Variants in GC observed in about 807,000 individuals in gnomAD.
GC encodes the protein vitamin D-binding protein.
In GC, 43 loss-of-function variants were observed where a neutral mutation model predicts 56.7. The observed-to-expected ratio is 0.76, with a 90% CI of 0.59 to 0.98. The LOEUF (loss-of-function observed/expected upper bound fraction) is 0.98. Among genes scored for constraint, GC ranks in the 50% least tolerant of loss-of-function variants. The pLI, the probability that GC is intolerant of heterozygous loss-of-function variation, is 0.00. For synonymous variants in GC, 216 were observed against 202.7 expected (o/e 1.07, Z -0.56); for missense variants, 529 against 545.9 (o/e 0.97, Z 0.31).
chr4:71,785,178 G>A (rs1742803933), upstream of GC, among the ~76,000 whole-genome samples: 1 of 151,724 alleles, frequency 6.6e-6, no homozygotes. Context: ...TTGCTATGAG[G>A]TTAATTAAGG....
chr4:71,796,645 C>T (rs1039457483), intron 1 of GC, among the ~76,000 whole-genome samples: 1 of 152,102 alleles, frequency 6.6e-6, no homozygotes, highest in Non-Finnish European at 1.5e-5. Flanking sequence ...TTATTACTGA[C>T]CTTCTGAAGC....
chr4:71,759,938 C>T (rs1220881753), intron 6 of GC, among the ~76,000 whole-genome samples: 4 of 151,740 alleles, frequency 2.6e-5, no homozygotes, highest in African/African-American at 9.7e-5. Flanking sequence ...TTCTGCCTGT[C>T]AAACTACTAT....
intron 10 of GC, among the ~76,000 whole-genome samples, chr4:71,753,469 G>A (rs1479874638): frequency 7.0e-6 from 1 of 143,014 alleles, no homozygotes; most frequent in African/African-American, 2.7e-5. Context: ...GAGGCAAGAA[G>A]AGACTCAAAG....
chr4:71,804,476 G>A (rs897529515), upstream of GC, among the ~76,000 whole-genome samples: 1 of 152,130 alleles, frequency 6.6e-6, no homozygotes, highest in Non-Finnish European at 1.5e-5. Context: ...GAGCATTGCA[G>A]CCTTTATGTT....
At chr4:71,784,487 A>G (rs1345180933), upstream of GC, 1 of 162,428 alleles carries the variant, frequency 6.2e-6, no homozygotes, top group East Asian at 1.9e-4. Context: ...CTTTGTTTAA[A>G]TCTACTACAA....
intron 8 of GC, among the ~76,000 whole-genome samples, chr4:71,755,734 A>G (rs1179833956): frequency 6.6e-6 from 1 of 152,220 alleles, no homozygotes; most frequent in African/African-American, 2.4e-5. Flanking sequence ...GCATAATGCA[A>G]TTGACTCTGT....
In GC at chr4:71,741,709, T is replaced by C; in HGVS notation, c.*187A>G. The C allele has an allele frequency of 1.5e-6, 1 of 663,106 alleles. No individual in the cohort carries two copies. The allele number at this position is 663,106 out of a possible 1,614,324, so 41.1% of individuals were successfully genotyped here. A position where few individuals can be genotyped will look rare whatever the true frequency, so the allele number is the denominator to read the frequency against. On this transcript the variant is annotated 3_prime_UTR_variant, in exon 13 of 13. Transcript: ENST00000273951. ...TCAGTCATATTTATGGTTTGCATTATATTTCAATTTATTTTGATAGCAAAT... is the reference window on the plus strand; with the variant it reads ...TCAGTCATATTTATGGTTTGCATTACATTTCAATTTATTTTGATAGCAAAT...
intron 2 of GC, among the ~76,000 whole-genome samples, chr4:71,769,007 A>T (rs566655881): frequency 2.6e-5 from 4 of 152,152 alleles, no homozygotes; most frequent in Non-Finnish European, 5.9e-5. Context: ...CTTGCTCTGT[A>T]CCTCATTGCC....
Position 71,746,214 on chromosome 4 carries a change from GA to G in GC, c.1396-10del. On this transcript the variant is annotated splice_polypyrimidine_tract_variant and intron_variant, in intron 11 of 12. Coordinates refer to ENST00000273951, the MANE Select transcript of GC (RefSeq NM_000583.4). ...TTCAATTCAGCATCAATCTGATAAT[GA>G]AAAAAGAATGTTATATAACTTATGA... 1 of 1,235,714 alleles carries G rather than the reference GA, an allele frequency of 8.1e-7. No homozygotes were observed. Among genetic ancestry groups the G allele is most frequent in the Non-Finnish European group, 1.2e-6 (1 of 842,882 alleles). 76.5% of individuals were successfully genotyped at this position (1,235,714 alleles called of 1,614,324 possible).
At chr4:71,803,683 C>A (rs1743300557) in intron 1 of GC, among the ~76,000 whole-genome samples, 1 of 152,218 alleles carries the variant, frequency 6.6e-6, no homozygotes, top group East Asian at 1.9e-4. Flanking sequence ...TCGCTCTCAA[C>A]ATACTCTGTC....
chr4:71,756,238 A>G (rs1486968203), intron 8 of GC, among the ~76,000 whole-genome samples: 1 of 152,228 alleles, frequency 6.6e-6, no homozygotes, highest in African/African-American at 2.4e-5. Context: ...AGTTAATAAT[A>G]TTATAAACAT....
rs111902198 is a variant in GC at position 71,789,321 on chromosome 4, A to G, written c.22-5267T>C. On this transcript the variant is annotated intron_variant, in intron 1 of 13. Coordinates refer to the GC transcript ENST00000504199. ...ATTTCCAGGAATAGAATGGAGTCCT[A>G]AAAAATAGAACAAATGTTAATTTTC... 1.7e-4 allele frequency among the ~76,000 whole-genome samples: 26 copies of G among 151,978 alleles called. 2 individuals are homozygous for G. Among genetic ancestry groups the G allele is most frequent in the African/African-American group, 6.3e-4 (26 of 41,522 alleles).
chr4:71,792,911 C>G (rs1034281677), intron 1 of GC, among the ~76,000 whole-genome samples: 1 of 151,994 alleles, frequency 6.6e-6, no homozygotes, highest in Non-Finnish European at 1.5e-5. Flanking sequence ...CATTTATTAA[C>G]TAGGGAATCC....
intron 1 of GC, among the ~76,000 whole-genome samples, chr4:71,773,108 G>A (rs114923388): frequency 6.6e-6 from 1 of 151,848 alleles, no homozygotes; most frequent in Non-Finnish European, 1.5e-5. Flanking sequence ...AAAATTATAC[G>A]CTCTGTTTTC....
At chr4:71,804,030 T>A (rs1416982547) in exon 1 of GC, 1 of 860,418 alleles carries the variant, frequency 1.2e-6, no homozygotes, top group African/African-American at 1.7e-5. Context: ...GCAATCTCTT[T>A]GAAAAAACAG....
chr4:71,778,043 A>T (rs222026), intron 1 of GC, among the ~76,000 whole-genome samples: 109,760 of 141,380 alleles, frequency 0.78, 42,102 homozygotes, highest in South Asian at 0.87. Context: ...TATATATATA[A>T]AAAAAAACAA....
At chr4:71,801,572 T>TATCA (rs1743250089) in intron 1 of GC, among the ~76,000 whole-genome samples, 1 of 152,150 alleles carries the variant, frequency 6.6e-6, no homozygotes, top group Admixed American at 6.5e-5. Context: ...CTCAAACTTA[T>TATCA]ATCACCTGCT....
chr4:71,804,056 C>T (rs368682254), upstream of GC: 20 of 757,482 alleles, frequency 2.6e-5, no homozygotes, highest in Non-Finnish European at 4.1e-5. Flanking sequence ...AGAGCATCAA[C>T]GTTGGTCTTA....
chr4:71,744,451 T>C (rs1223538659), intron 12 of GC, among the ~76,000 whole-genome samples: 9 of 59,064 alleles, frequency 1.5e-4, no homozygotes, highest in Non-Finnish European at 2.4e-4. Context: ...AGAGCGAGAC[T>C]CCATCTCAAA....
Sources: gnomAD v4.1 joint callset for allele counts (sites outside exome capture counted in the v4.1 genomes callset) on GRCh38, gnomAD v4.1.1 for gene constraint, MANE v1.5 for transcripts, NCBI Gene and HGNC (gene_info 2026-07-23, HGNC 2026-07-21) for gene names.